Variants in PPFIA2 observed in about 807,000 individuals in gnomAD.
PPFIA2 encodes the protein PPFI scaffold protein A2.
PPFIA2 carries 46 observed loss-of-function variants against 175.5 expected under a neutral mutation model. The observed-to-expected ratio is 0.26, with a 90% CI of 0.21 to 0.34. The LOEUF (loss-of-function observed/expected upper bound fraction) is 0.34, where lower values mean the gene tolerates loss of function less well. Among genes scored for constraint, PPFIA2 ranks in the 10% least tolerant of loss-of-function variants. The pLI is 1.00. For synonymous variants in PPFIA2, 568 were observed against 511.4 expected, an observed-to-expected ratio of 1.11 and a Z score of -1.49; for missense variants, 1,179 against 1,506.1, an observed-to-expected ratio of 0.78 and a Z score of 3.60.
intron 4 of PPFIA2, among the ~76,000 whole-genome samples, chr12:81,469,614 A>T (rs1345462098): frequency 6.6e-6 from 1 of 152,212 alleles, no homozygotes; most frequent in East Asian, 1.9e-4. Flanking sequence ...TAAACCTATA[A>T]AATTCTTACA....
chr12:81,654,050 C>A (rs1223677188), intron 4 of PPFIA2, among the ~76,000 whole-genome samples: 2 of 147,026 alleles, frequency 1.4e-5, no homozygotes, highest in South Asian at 2.1e-4. Flanking sequence ...GGCATATACT[C>A]AAAAAAAGCC....
intron 4 of PPFIA2, among the ~76,000 whole-genome samples, chr12:81,662,459 G>C (rs1267061593): frequency 6.6e-6 from 1 of 152,110 alleles, no homozygotes. Context: ...AGAAGAAATG[G>C]ATAAATTCCT....
intron 4 of PPFIA2, among the ~76,000 whole-genome samples, chr12:81,621,012 T>C (rs2061988937): frequency 6.6e-6 from 1 of 152,212 alleles, no homozygotes. Flanking sequence ...AAAATTGTCT[T>C]CATAAAGTTT....
At chr12:81,314,894 G>T (rs2051925667) in intron 22 of PPFIA2, among the ~76,000 whole-genome samples, 1 of 151,626 alleles carries the variant, frequency 6.6e-6, no homozygotes, top group Non-Finnish European at 1.5e-5. Context: ...GGTGAAAGTT[G>T]AGAATGTTTA....
At chr12:81,551,127 C>T (rs777409339) in intron 4 of PPFIA2, among the ~76,000 whole-genome samples, 20 of 152,002 alleles carry the variant, frequency 1.3e-4, no homozygotes, top group East Asian at 3.9e-4. Context: ...TAGAAATGTA[C>T]GCTCAGAATT....
At chr12:81,478,683 T>C (rs2057795616) in intron 4 of PPFIA2, among the ~76,000 whole-genome samples, 2 of 152,194 alleles carry the variant, frequency 1.3e-5, no homozygotes, top group Admixed American at 1.3e-4. Context: ...TACCTAGTAG[T>C]CATTCAGGAG....
At chr12:81,517,431 A>G (rs1396011745) in intron 4 of PPFIA2, among the ~76,000 whole-genome samples, 2 of 152,156 alleles carry the variant, frequency 1.3e-5, no homozygotes, top group Non-Finnish European at 2.9e-5. Flanking sequence ...AGCCTGCACC[A>G]GTGAAAATCA....
At chr12:81,344,744 A>T (rs2058743633) in intron 18 of PPFIA2, 51 bp from the exon 19 acceptor site, 3 of 1,375,946 alleles carry the variant, frequency 2.2e-6, no homozygotes, top group Admixed American at 2.1e-5. Flanking sequence ...AAGAATTAAC[A>T]ATCATTTGAC....
At chr12:81,310,781 T>G (rs753181446) in intron 22 of PPFIA2, among the ~76,000 whole-genome samples, 2 of 152,144 alleles carry the variant, frequency 1.3e-5, no homozygotes, top group Non-Finnish European at 2.9e-5. Flanking sequence ...TCCTCAATAT[T>G]GTAAAACATC....
chr12:81,662,730 C>T (rs1003025991), intron 4 of PPFIA2, among the ~76,000 whole-genome samples: 1 of 152,116 alleles, frequency 6.6e-6, no homozygotes, highest in Non-Finnish European at 1.5e-5. Context: ...ATACCAAAGC[C>T]TGGCAGAGAC....
chr12:81,366,921 T>C (rs1301374262), intron 14 of PPFIA2, among the ~76,000 whole-genome samples, 187 bp downstream of exon 14: 1 of 151,678 alleles, frequency 6.6e-6, no homozygotes, highest in Admixed American at 6.6e-5. Context: ...GAATTTGGGT[T>C]ACAAAGATTC....
chr12:81,522,152 T>C (rs1433330245), intron 4 of PPFIA2, among the ~76,000 whole-genome samples: 1 of 152,226 alleles, frequency 6.6e-6, no homozygotes, highest in African/African-American at 2.4e-5. Flanking sequence ...CAAACATTCA[T>C]TATGCAAGAT....
intron 7 of PPFIA2, among the ~76,000 whole-genome samples, chr12:81,428,215 G>T (rs1222270349): frequency 6.6e-6 from 1 of 151,764 alleles, no homozygotes; most frequent in Non-Finnish European, 1.5e-5. Context: ...AACTATGTCT[G>T]CTACCACAAA....
In PPFIA2 at chr12:81,616,109, T is replaced by C. The variant is rs564286389; in HGVS notation, c.303+60682A>G. ...GCCAGGATATCAGCTGAGAGTATTG[T>C]TGGGGGAGAGAATTTTGGATGTTTA... is the stretch of plus-strand genomic sequence containing the variant. On this transcript the variant is annotated intron_variant, in intron 4 of 32. Transcript: ENST00000549396. Among the ~76,000 whole-genome samples the C allele has an allele frequency of 8.5e-5, 13 of 152,204 alleles. No individual in the cohort carries two copies. In the East Asian group the frequency reaches 1.7e-3, roughly 20 times the overall value.
chr12:81,486,568 G>C (rs2058842716), intron 4 of PPFIA2, among the ~76,000 whole-genome samples: 1 of 151,696 alleles, frequency 6.6e-6, no homozygotes, highest in East Asian at 1.9e-4. Flanking sequence ...GATTTTTAGT[G>C]ATAGATCTAT....
chr12:81,438,523 A>G (rs2049529196), intron 7 of PPFIA2, among the ~76,000 whole-genome samples: 1 of 152,174 alleles, frequency 6.6e-6, no homozygotes, highest in Non-Finnish European at 1.5e-5. Flanking sequence ...AGGAGTTTGT[A>G]CTGAGAAGAT....
chr12:81,628,298 C>A (rs975881645), intron 4 of PPFIA2, among the ~76,000 whole-genome samples: 6 of 151,640 alleles, frequency 4.0e-5, no homozygotes, highest in Non-Finnish European at 5.9e-5. Flanking sequence ...CCCAAGCTAC[C>A]TATTTAAGCT....
chr12:81,743,411 C>CAAAAAAAAAAAA (rs772497730), intron 3 of PPFIA2, among the ~76,000 whole-genome samples: 5 of 24,860 alleles, frequency 2.0e-4, no homozygotes, highest in East Asian at 1.5e-3. Context: ...GACTCCGTCT[C>CAAAAAAAAAAAA]AAAAAAAAAA....
At chr12:81,342,893 T>G (rs1211128069) in intron 19 of PPFIA2, among the ~76,000 whole-genome samples, 5 of 151,798 alleles carry the variant, frequency 3.3e-5, no homozygotes, top group Non-Finnish European at 7.4e-5. Context: ...ATGGCACATG[T>G]ATACATATGT....
Sources: allele counts gnomAD v4.1 joint callset (sites outside exome capture counted in the v4.1 genomes callset), GRCh38; gene constraint gnomAD v4.1.1; transcripts MANE v1.5; gene names NCBI Gene and HGNC (gene_info 2026-07-23, HGNC 2026-07-21).